The following SYNE2 variants were observed in gnomAD, a reference collection of about 807,000 sequenced individuals.
SYNE2 encodes nesprin-2.
Under a neutral mutation model 856.3 loss-of-function variants are expected in SYNE2, and 431 were observed. That is an observed-to-expected ratio of 0.50 (90% confidence interval 0.47 to 0.55). The LOEUF is 0.55. SYNE2 is among the 20% of genes least tolerant of loss of function. SYNE2 has a pLI of 0.00. For synonymous variants in SYNE2, 2,923 were observed against 2,872.3 expected (o/e 1.02, Z -0.56); for missense variants, 8,129 against 8,023.2 (o/e 1.01, Z -0.50).
chr14:64,129,941 G>T, intron 75 of SYNE2, 40 bp downstream of exon 75: 1 of 1,614,010 alleles, frequency 6.2e-7, no homozygotes, highest in Non-Finnish European at 8.5e-7. Context: ...CACTGTGATT[G>T]TGAGGAGCCA....
At chr14:64,189,999 CTA>C (rs2098510636) in intron 98 of SYNE2, 70 bp from the exon 99 acceptor site, 3 of 1,475,382 alleles carry the variant, frequency 2.0e-6, no homozygotes, top group South Asian at 2.3e-5. Context: ...AGAGGTAACT[CTA>C]TGTCTGTGGC....
At chr14:64,029,850 A>T in intron 43 of SYNE2, 45 bp from the exon 44 acceptor site, 1 of 1,586,596 alleles carries the variant, frequency 6.3e-7, no homozygotes, top group Non-Finnish European at 8.6e-7. Flanking sequence ...AGTGAAAACA[A>T]TCAGAGAGAA....
At chr14:64,098,625 G>T (rs1044854455) in intron 62 of SYNE2, 122 bp from the exon 63 acceptor site, 1 of 939,036 alleles carries the variant, frequency 1.1e-6, no homozygotes, top group Non-Finnish European at 1.7e-6. Flanking sequence ...GGCTTCTTGT[G>T]GGGGTGGGCA....
rs1021837119 is a variant in SYNE2, at chr14:64,050,863, C to CA, written c.7644-686dup. ...GTGAAACCCTGTTTCTCTAAAAATA[C>CA]AAAAAAAATTAGCCAGGCATCATGG... On this transcript the variant is annotated intron_variant, in intron 47 of 115. Coordinates refer to ENST00000555002, the MANE Select transcript of SYNE2 (RefSeq NM_182914.3). 7.9e-5 allele frequency among the ~76,000 whole-genome samples: 12 copies of CA among 151,374 alleles called. No homozygotes were observed. In the South Asian group the frequency reaches 1.0e-3, roughly 13 times the overall value.
intron 6 of SYNE2, among the ~76,000 whole-genome samples, chr14:63,948,764 A>ATG (rs2096084969): frequency 1.6e-5 from 1 of 64,496 alleles, no homozygotes; most frequent in Non-Finnish European, 3.2e-5. Flanking sequence ...ATATATGTAT[A>ATG]TATATGTATG....
rs766631494 is a variant in SYNE2 at position 64,073,932 on chromosome 14, A to G, written c.10698-36A>G. 4.4e-6 allele frequency: 7 copies of G among 1,603,702 alleles called. No individual in the cohort carries two copies. The South Asian group carries it at 7.7e-5, about 18-fold the overall frequency. On this transcript the variant is annotated intron_variant, in intron 52 of 115. Coordinates refer to ENST00000555002, the MANE Select transcript of SYNE2 (RefSeq NM_182914.3). ...TTCATTTTATTCATAGAAGAGCAGGATAAAGAAACAATTATATTTTGACGT... is the reference window on the plus strand; with the variant it reads ...TTCATTTTATTCATAGAAGAGCAGGGTAAAGAAACAATTATATTTTGACGT...
intron 1 of SYNE2, among the ~76,000 whole-genome samples, chr14:63,863,220 C>T (rs1156805648): frequency 6.6e-6 from 1 of 152,022 alleles, no homozygotes; most frequent in Non-Finnish European, 1.5e-5. Flanking sequence ...TTTTAAAAAT[C>T]CGTTCGTCTT....
At position 64,219,096 on chromosome 14, in the gene SYNE2, G is replaced by GT. The variant is rs1214967482; in HGVS notation, c.19658-105dup. The stretch of plus-strand genomic sequence containing the variant: ...CCTTCTGTCAGGGGAATCCCCTACA[G>GT]TTTTTTTGTTTTTTTTTTTTTTTTT... On this transcript the variant is annotated intron_variant, in intron 109 of 115. Transcript: ENST00000555002. The GT allele has an allele frequency of 3.2e-3, 2,449 of 756,550 alleles. 24 individuals carry two copies. The highest frequency in any genetic ancestry group is 7.9e-3 in the South Asian group (455 of 57,828). The allele number at this position is 756,550 out of a possible 1,614,324, so 46.9% of individuals were successfully genotyped here.
At chr14:64,030,165 A>G (rs935560955) in intron 44 of SYNE2, 106 bp downstream of exon 44, 13 of 1,088,220 alleles carry the variant, frequency 1.2e-5, no homozygotes, top group Non-Finnish European at 1.4e-5. Flanking sequence ...TGGTATTCAG[A>G]TGACTCTTAG....
intron 7 of SYNE2, among the ~76,000 whole-genome samples, chr14:63,950,916 G>T (rs894762207): frequency 6.6e-6 from 1 of 151,928 alleles, no homozygotes; most frequent in East Asian, 1.9e-4. Flanking sequence ...CTCCGTCTTC[G>T]AAAGTGCTGG....
chr14:64,081,217 G>A (rs898268000), intron 56 of SYNE2, among the ~76,000 whole-genome samples: 14 of 152,204 alleles, frequency 9.2e-5, no homozygotes, highest in Admixed American at 4.6e-4. Context: ...GGCCCATAAC[G>A]TTGGAGTAGA....
intron 78 of SYNE2, among the ~76,000 whole-genome samples, chr14:64,135,250 T>C (rs562584146): frequency 1.5e-4 from 23 of 152,286 alleles, no homozygotes; most frequent in African/African-American, 4.6e-4. Flanking sequence ...TTATGAAATA[T>C]CAACTTTAAA....
chr14:63,995,590 A>G (rs748850050), intron 23 of SYNE2, among the ~76,000 whole-genome samples: 8 of 151,972 alleles, frequency 5.3e-5, no homozygotes, highest in Non-Finnish European at 1.0e-4. Flanking sequence ...AAATCTCATG[A>G]TCTTTTTTTG....
At chr14:63,963,324 A>C (rs980866847) in intron 9 of SYNE2, among the ~76,000 whole-genome samples, 3 of 152,254 alleles carry the variant, frequency 2.0e-5, no homozygotes, top group African/African-American at 7.2e-5. Context: ...AGGAAAAAAC[A>C]AAGTAAATGA....
chr14:63,809,932 A>C (rs994796740), intron 1 of SYNE2, among the ~76,000 whole-genome samples: 3 of 152,216 alleles, frequency 2.0e-5, no homozygotes, highest in Non-Finnish European at 4.4e-5. Context: ...CTCCTTATCA[A>C]GGCAAGAAGG....
intron 1 of SYNE2, among the ~76,000 whole-genome samples, chr14:63,775,720 T>A (rs1203159140): frequency 6.6e-6 from 1 of 152,214 alleles, no homozygotes; most frequent in Non-Finnish European, 1.5e-5. Context: ...TAGCTGGGAC[T>A]ACAGGTGCGT....
chr14:63,880,960 G>C lies in SYNE2; in HGVS notation c.-52+27817G>C, dbSNP rs111294954. 9.1e-3 allele frequency among the ~76,000 whole-genome samples: 1,377 copies of C among 151,748 alleles called. 23 individuals carry two copies. The highest frequency in any genetic ancestry group is 0.032 in the African/African-American group (1,303 of 41,344). ...CTCCCGAGTTCAAGCAATTTGTTGT[G>C]CCTCAGCCTCTCGAGTAGCTGGGAT... is the stretch of plus-strand genomic sequence containing the variant. On this transcript the variant is annotated intron_variant, in intron 1 of 115. Transcript: ENST00000555002.
At chr14:64,141,644 T>C in intron 81 of SYNE2, 121 bp downstream of exon 81, 1 of 1,109,642 alleles carries the variant, frequency 9.0e-7, no homozygotes, top group Non-Finnish European at 1.3e-6. Flanking sequence ...CTGGCACCAC[T>C]GAATATAAGT....
chr14:63,910,846 G>A (rs1780780448), intron 2 of SYNE2, among the ~76,000 whole-genome samples: 1 of 152,148 alleles, frequency 6.6e-6, no homozygotes, highest in African/African-American at 2.4e-5. Flanking sequence ...CTTTTTCTAG[G>A]TTTATGGCCA....
Sources: allele counts gnomAD v4.1 joint callset (sites outside exome capture counted in the v4.1 genomes callset), GRCh38; gene constraint gnomAD v4.1.1; transcripts MANE v1.5; gene names NCBI Gene and HGNC (gene_info 2026-07-23, HGNC 2026-07-21).